The following ADCY7 variants were observed in gnomAD, a reference collection of about 807,000 sequenced individuals.
ADCY7 encodes the protein adenylate cyclase 7.
ADCY7 carries 72 observed loss-of-function variants against 120.6 expected under a neutral mutation model. The ratio of observed to expected loss-of-function variants is 0.60; its 90% CI spans 0.49 to 0.73. The LOEUF is 0.73. ADCY7 is among the 30% of genes least tolerant of loss of function. The probability of loss-of-function intolerance (pLI) is 0.00; values close to 1 mark genes in which losing one functional copy is unlikely to be tolerated. For missense variants in ADCY7, 1,227 were observed against 1,486.0 expected, an observed-to-expected ratio of 0.83 and a Z score of 2.87; for synonymous variants, 661 against 628.0, an observed-to-expected ratio of 1.05 and a Z score of -0.78.
chr16:50,312,035 G>C lies in ADCY7; in HGVS notation c.2449-1G>C. ...GGCGCTTATGTTGCTGCCGTTTGCA[G>C]ATTGACTATTACTGCCGCTTGGACT... On this transcript the variant is annotated splice_acceptor_variant, in intron 20 of 25. Transcript: ENST00000673801. LOFTEE classifies it high-confidence loss of function. 1 of 1,614,156 alleles carries C rather than the reference G, an allele frequency of 6.2e-7. No homozygotes were observed. The highest frequency in any genetic ancestry group is 8.5e-7 in the Non-Finnish European group (1 of 1,179,968).
chr16:50,266,870 TCAAC>T (rs1247934114), intron 1 of ADCY7, among the ~76,000 whole-genome samples, 190 bp downstream of exon 1: 3 of 152,082 alleles, frequency 2.0e-5, no homozygotes, highest in Admixed American at 6.5e-5. Flanking sequence ...AGGCGGCCCT[TCAAC>T]AGGGGACCAG....
In ADCY7 at chr16:50,305,553, T is replaced by G; in HGVS notation, c.1646T>G (p.Met549Arg). Reference protein sequence around the residue: ...RSEDDSYDDEMLSAIEGLSST... With the variant: ...RSEDDSYDDERLSAIEGLSST... Reference sequence around the variant, plus strand: ...GAGGATGACTCGTACGATGACGAGATGCTGTCAGCCATTGAGGGGCTCAGC... The same window carrying G: ...GAGGATGACTCGTACGATGACGAGAGGCTGTCAGCCATTGAGGGGCTCAGC... The change falls in exon 13 of 26, where the codon ATG becomes AGG. Residue 549 changes from methionine to arginine, a missense_variant. By Grantham distance (91) the Met-to-Arg change is moderately conservative. Transcript: ENST00000673801. 1 of 1,607,496 alleles carries G rather than the reference T, an allele frequency of 6.2e-7. No individual in the cohort carries two copies. Among genetic ancestry groups the G allele is most frequent in the Non-Finnish European group, 8.5e-7 (1 of 1,176,458 alleles).
chr16:50,288,556 C>A (rs1196307307), intron 2 of ADCY7, among the ~76,000 whole-genome samples: 2 of 152,230 alleles, frequency 1.3e-5, no homozygotes, highest in Admixed American at 6.5e-5. Context: ...CGGCTCACTG[C>A]AACCTCCATC....
intron 1 of ADCY7, among the ~76,000 whole-genome samples, chr16:50,259,856 C>A (rs1259156278): frequency 1.3e-5 from 2 of 152,222 alleles, no homozygotes; most frequent in Non-Finnish European, 2.9e-5. Context: ...TTCTTATGTT[C>A]CTAGCCTGCA....
At chr16:50,253,220 A>C (rs1455748482) in intron 1 of ADCY7, among the ~76,000 whole-genome samples, 2 of 152,166 alleles carry the variant, frequency 1.3e-5, no homozygotes, top group Non-Finnish European at 2.9e-5. Context: ...CTGTTTCTTT[A>C]GGGTAAATTA....
At position 50,294,544 on chromosome 16, in the gene ADCY7, G is replaced by C. The variant is rs150633931; in HGVS notation, c.837-96G>C. ...ACGGGGGTGAATGGGCTCAGGCCTGGCAGGCTCCTGGGGCTCCAGACAGTC... is the reference window on the plus strand; with the variant it reads ...ACGGGGGTGAATGGGCTCAGGCCTGCCAGGCTCCTGGGGCTCCAGACAGTC... On this transcript the variant is annotated intron_variant, in intron 6 of 25. Coordinates refer to ENST00000673801, the MANE Select transcript of ADCY7 (RefSeq NM_001114.5). 1.1e-3 allele frequency: 850 copies of C among 795,978 alleles called. 7 individuals carry two copies. The African/African-American group carries it at 0.013, about 12-fold the overall frequency. The allele number at this position is 795,978 out of a possible 1,614,324, so 49.3% of individuals were successfully genotyped here.
chr16:50,309,760 G>A (rs1173454719), intron 18 of ADCY7, 114 bp downstream of exon 18: 2 of 940,538 alleles, frequency 2.1e-6, no homozygotes, highest in Non-Finnish European at 3.1e-6. Context: ...ACAGCATGTG[G>A]AGGCTGAGAA....
upstream of ADCY7, among the ~76,000 whole-genome samples, chr16:50,262,667 C>G (rs545263620): frequency 6.6e-6 from 1 of 152,270 alleles, no homozygotes; most frequent in African/African-American, 2.4e-5. Flanking sequence ...TTGATGGGCA[C>G]CTCTTACCTC....
At chr16:50,255,402 G>GAAAAAAAAAAAAAAAAAAAAAA (rs60335173) in intron 1 of ADCY7, among the ~76,000 whole-genome samples, 15 of 108,134 alleles carry the variant, frequency 1.4e-4, no homozygotes, top group African/African-American at 4.0e-4. Flanking sequence ...TCTGTTTCTG[G>GAAAAAAAAAAAAAAAAAAAAAA]AAAAAAAAAA....
At chr16:50,294,778 A>T in intron 7 of ADCY7, 27 bp downstream of exon 7, 1 of 1,538,452 alleles carries the variant, frequency 6.5e-7, no homozygotes, top group South Asian at 1.1e-5. Flanking sequence ...ACAATGGGCA[A>T]AGCCAGGCCC....
At position 50,297,785 on chromosome 16, in the gene ADCY7, A is replaced by G. The variant is rs1204915500; in HGVS notation, c.949-1119A>G. ...GCAGGCCTAGCCCTCGTGAGCCTGCAGGACAGAGCCCTCTTAGCTCCCTCC... is the reference window on the plus strand; with the variant it reads ...GCAGGCCTAGCCCTCGTGAGCCTGCGGGACAGAGCCCTCTTAGCTCCCTCC... On this transcript the variant is annotated intron_variant, in intron 7 of 25. Transcript: ENST00000673801. This position sits in a 1 kb window ranked among gnomAD's most constrained non-coding sequence, Gnocchi z 4.4. Among the ~76,000 whole-genome samples the G allele has an allele frequency of 1.3e-5, 2 of 152,218 alleles. No homozygotes were observed. The highest frequency in any genetic ancestry group is 2.4e-5 in the African/African-American group (1 of 41,476).
At chr16:50,278,590 T>C (rs762442516) in intron 1 of ADCY7, among the ~76,000 whole-genome samples, 1 of 152,228 alleles carries the variant, frequency 6.6e-6, no homozygotes, top group Admixed American at 6.5e-5. Context: ...CTTATCAGTC[T>C]CTTCTTTATG....
At chr16:50,277,328 T>A (rs1328186349) in intron 1 of ADCY7, among the ~76,000 whole-genome samples, 2 of 152,216 alleles carry the variant, frequency 1.3e-5, no homozygotes, top group African/African-American at 4.8e-5. Flanking sequence ...TCAAAGTGGA[T>A]TTGGTAGGTC....
At chr16:50,280,287 C>T (rs1453737270) in intron 1 of ADCY7, among the ~76,000 whole-genome samples, 1 of 149,342 alleles carries the variant, frequency 6.7e-6, no homozygotes, top group African/African-American at 2.5e-5. Context: ...AGTAACATTC[C>T]TGTAGTCATT....
At chr16:50,252,132 GT>G (rs374849500) in intron 1 of ADCY7, among the ~76,000 whole-genome samples, 2 of 152,114 alleles carry the variant, frequency 1.3e-5, no homozygotes, top group South Asian at 4.2e-4. Context: ...CCGGGCTGCT[GT>G]TTTTTTTCCT....
rs754721669 is a variant in ADCY7 at position 50,315,495 on chromosome 16, G to A, written c.3233G>A (p.Gly1078Glu). The change falls in exon 26 of 26, where the codon GGG (glycine) becomes GAG (glutamate). Residue 1078 changes from glycine (G) to glutamate (E), a missense_variant. Transcript: ENST00000673801. The stretch of plus-strand genomic sequence containing the variant: ...GACACTGCCAAGTTTCAGGGGCTGG[G>A]GCTGAACTGAGGGCTCCTGCTGGAT... ...CTDTAKFQGLGLN is the reference protein window; with the variant it reads ...CTDTAKFQGLELN 1 of 1,611,578 alleles carries A rather than the reference G, an allele frequency of 6.2e-7. No homozygotes were observed. Among genetic ancestry groups the A allele is most frequent in the East Asian group, 2.2e-5 (1 of 44,788 alleles).
chr16:50,249,006 G>A (rs1032849058), intron 1 of ADCY7, among the ~76,000 whole-genome samples: 5 of 152,186 alleles, frequency 3.3e-5, no homozygotes, highest in Non-Finnish European at 7.3e-5. Context: ...CCCAGATACT[G>A]CAGACTGTGT....
chr16:50,244,893 C>T (rs1266380648), upstream of ADCY7, among the ~76,000 whole-genome samples: 1 of 151,600 alleles, frequency 6.6e-6, no homozygotes, highest in African/African-American at 2.4e-5. Flanking sequence ...CCCAGAGGAG[C>T]TGCCTGACCA....
In ADCY7 at chr16:50,304,461, C is replaced by T. The variant is rs1218784536; in HGVS notation, c.1470C>T (p.Ser490=). The T allele has an allele frequency of 1.1e-5, 17 of 1,609,850 alleles. No homozygotes were observed. Among genetic ancestry groups the T allele is most frequent in the Non-Finnish European group, 1.4e-5 (17 of 1,178,244 alleles). The part of the protein sequence containing the change: ...ASVRMTRYLE[S]WGAARPFAHL... ...TGCGCATGACCCGGTACCTCGAGTC[C>T]TGGGGGGCGGCACGGCCCTTTGCAC... The change falls in exon 11 of 26, where the codon TCC becomes TCT. Residue 490 remains serine, a synonymous_variant. Transcript: ENST00000673801.
Sources: allele counts gnomAD v4.1 joint callset (sites outside exome capture counted in the v4.1 genomes callset), GRCh38; gene constraint gnomAD v4.1.1; non-coding constraint Gnocchi (gnomAD v3.1); transcripts MANE v1.5; gene names NCBI Gene and HGNC (gene_info 2026-07-23, HGNC 2026-07-21).